The following PPP6R3 variants were observed in gnomAD, a reference collection of about 807,000 sequenced individuals.
PPP6R3 encodes serine/threonine-protein phosphatase 6 regulatory subunit 3.
A neutral mutation model predicts 110.7 loss-of-function variants in PPP6R3; 38 were observed. That is an observed-to-expected ratio of 0.34 (90% CI 0.26 to 0.45). The LOEUF is 0.45. Among genes scored for constraint, PPP6R3 ranks in the 20% least tolerant of loss-of-function variants. PPP6R3 has a pLI of 1.00. For missense variants in PPP6R3, 870 were observed against 1,062.4 expected, an observed-to-expected ratio of 0.82 and a Z score of 2.52; for synonymous variants, 369 against 373.5, an observed-to-expected ratio of 0.99 and a Z score of 0.14.
At chr11:68,597,020 C>T (rs2099615772) in intron 19 of PPP6R3, among the ~76,000 whole-genome samples, 1 of 152,200 alleles carries the variant, frequency 6.6e-6, no homozygotes, top group Admixed American at 6.5e-5. Context: ...CTTTCTGCTG[C>T]CTGTTTTCCA....
At chr11:68,464,460 C>T (rs2098731898) in intron 1 of PPP6R3, among the ~76,000 whole-genome samples, 1 of 152,104 alleles carries the variant, frequency 6.6e-6, no homozygotes, top group Non-Finnish European at 1.5e-5. Context: ...GCTTCTCAGA[C>T]AATACTGAAA....
chr11:68,576,973 A>G (rs771804176), intron 14 of PPP6R3, among the ~76,000 whole-genome samples: 8 of 152,196 alleles, frequency 5.3e-5, no homozygotes, highest in Non-Finnish European at 1.2e-4. Context: ...AGATTGCCTA[A>G]AAATATGGTC....
chr11:68,487,310 T>C (rs562021114), intron 1 of PPP6R3, among the ~76,000 whole-genome samples: 7 of 152,266 alleles, frequency 4.6e-5, no homozygotes, highest in South Asian at 2.1e-4. Flanking sequence ...CCCAGCACTT[T>C]GGGAAGCTGA....
At chr11:68,496,194 T>C (rs974732800) in intron 1 of PPP6R3, among the ~76,000 whole-genome samples, 22 of 151,914 alleles carry the variant, frequency 1.4e-4, no homozygotes, top group African/African-American at 5.1e-4. Context: ...TTTTTTTTTT[T>C]TGTTGTTGTT....
At chr11:68,548,752 A>G (rs2099359066) in intron 5 of PPP6R3, among the ~76,000 whole-genome samples, 1 of 152,146 alleles carries the variant, frequency 6.6e-6, no homozygotes, top group African/African-American at 2.4e-5. Context: ...ACAGATGGTG[A>G]TTTTTAGGAT....
intron 12 of PPP6R3, among the ~76,000 whole-genome samples, chr11:68,571,909 T>C (rs2099509170): frequency 2.0e-5 from 3 of 152,172 alleles, no homozygotes; most frequent in Admixed American, 2.0e-4. Context: ...ATTTCTCTCA[T>C]GGTCCTTTGT....
intron 1 of PPP6R3, among the ~76,000 whole-genome samples, chr11:68,487,894 T>C (rs1226968497): frequency 6.6e-6 from 1 of 152,208 alleles, no homozygotes; most frequent in East Asian, 1.9e-4. Context: ...GATGGTGCTA[T>C]TGAGTTCCAT....
At chr11:68,562,053 G>A (rs201111628) in intron 8 of PPP6R3, among the ~76,000 whole-genome samples, 19 of 147,442 alleles carry the variant, frequency 1.3e-4, no homozygotes, top group African/African-American at 7.5e-5. Context: ...GAACATTAAA[G>A]AAAAAAAAAA....
At chr11:68,462,638 A>G (rs1240407904) in intron 1 of PPP6R3, among the ~76,000 whole-genome samples, 2 of 152,220 alleles carry the variant, frequency 1.3e-5, no homozygotes, top group East Asian at 3.8e-4. Context: ...CTGGAGGGAT[A>G]CTTTGGAAGG....
intron 1 of PPP6R3, among the ~76,000 whole-genome samples, chr11:68,502,387 TG>T (rs1218917160): frequency 4.6e-5 from 7 of 152,214 alleles, no homozygotes; most frequent in Admixed American, 3.3e-4. Flanking sequence ...AAGCCGTATG[TG>T]GCCACCATAG....
Position 68,611,067 on chromosome 11 carries a change from A to C in PPP6R3, c.2570+1044A>C, listed in dbSNP as rs190859865. 1.5e-4 allele frequency among the ~76,000 whole-genome samples: 23 copies of C among 152,368 alleles called. No homozygotes were observed. In the East Asian group the frequency reaches 2.1e-3, roughly 14 times the overall value. On this transcript the variant is annotated intron_variant, in intron 23 of 23. Coordinates refer to ENST00000393800, the MANE Select transcript of PPP6R3 (RefSeq NM_001164161.2). ...CAAACAAATTAAGAACTATTTGAGC[A>C]TGTTGGCTCTAGTGAAGGCTTTTGG...
intron 17 of PPP6R3, among the ~76,000 whole-genome samples, 174 bp from the exon 18 acceptor site, chr11:68,591,402 T>C (rs1301785651): frequency 6.6e-6 from 1 of 152,224 alleles, no homozygotes; most frequent in Non-Finnish European, 1.5e-5. Context: ...TTTAGGGGAA[T>C]TCTTGTTACG....
Position 68,532,371 on chromosome 11 carries a change from A to G in PPP6R3, c.-6-5288A>G, listed in dbSNP as rs145105410. ...GACATTGTCATCTGTGACATCAAGTAACAAATGACTCCCCAGTGACCTGCT... is the reference window on the plus strand; with the variant it reads ...GACATTGTCATCTGTGACATCAAGTGACAAATGACTCCCCAGTGACCTGCT... On this transcript the variant is annotated intron_variant, in intron 2 of 23. Coordinates refer to ENST00000393800, the MANE Select transcript of PPP6R3 (RefSeq NM_001164161.2). 2.0e-5 allele frequency among the ~76,000 whole-genome samples: 3 copies of G among 152,342 alleles called. No homozygotes were observed. The East Asian group carries it at 5.8e-4, about 29-fold the overall frequency.
At chr11:68,497,019 G>T (rs1204710361) in intron 1 of PPP6R3, among the ~76,000 whole-genome samples, 1 of 149,992 alleles carries the variant, frequency 6.7e-6, no homozygotes, top group African/African-American at 2.5e-5. Flanking sequence ...CCACCTCCAC[G>T]CCCGGCTAAT....
chr11:68,482,958 T>C (rs944792158), intron 1 of PPP6R3, among the ~76,000 whole-genome samples: 1 of 152,200 alleles, frequency 6.6e-6, no homozygotes, highest in Non-Finnish European at 1.5e-5. Flanking sequence ...AATAGCTGCA[T>C]ACTAAGGGTA....
chr11:68,497,041 T>C (rs2099021097), intron 1 of PPP6R3, among the ~76,000 whole-genome samples: 1 of 149,754 alleles, frequency 6.7e-6, no homozygotes, highest in Admixed American at 6.7e-5. Context: ...TTTTTGTTTG[T>C]TTGTTTGTTT....
chr11:68,567,066 C>T lies in PPP6R3; in HGVS notation c.1028C>T (p.Thr343Ile). Residue 343 changes from threonine to isoleucine, a missense_variant, in exon 10 of 24, where the codon ACC (threonine) becomes ATC (isoleucine). By Grantham distance (89) the Thr-to-Ile change is moderately conservative. Transcript: ENST00000393800. ...WGVLDPPVGN[T>I]RLNVIRLISS... The stretch of plus-strand genomic sequence containing the variant: ...GTGCTGGATCCTCCTGTGGGGAATA[C>T]CCGGTTGAATGTCATTAGGTTGATA... The T allele has an allele frequency of 6.4e-6, 10 of 1,551,576 alleles. No individual in the cohort carries two copies. Among genetic ancestry groups the T allele is most frequent in the Non-Finnish European group, 7.0e-6 (8 of 1,146,868 alleles).
chr11:68,477,996 C>G (rs1397814891), intron 1 of PPP6R3, among the ~76,000 whole-genome samples: 1 of 151,094 alleles, frequency 6.6e-6, no homozygotes, highest in Admixed American at 6.6e-5. Flanking sequence ...TTTGCCCAGG[C>G]TGGAGTGCAG....
At chr11:68,504,585 C>T (rs971307719) in intron 1 of PPP6R3, among the ~76,000 whole-genome samples, 1 of 152,128 alleles carries the variant, frequency 6.6e-6, no homozygotes, top group South Asian at 2.1e-4. Flanking sequence ...TAAGTGTACC[C>T]CCTGTCAAGA....
Sources: allele counts gnomAD v4.1 joint callset (sites outside exome capture counted in the v4.1 genomes callset), GRCh38; gene constraint gnomAD v4.1.1; transcripts MANE v1.5; gene names NCBI Gene and HGNC (gene_info 2026-07-23, HGNC 2026-07-21).